Variants in OLFM3 observed in about 807,000 individuals in gnomAD.
OLFM3 encodes olfactomedin 3.
A neutral mutation model predicts 48.6 loss-of-function variants in OLFM3; 20 were observed. The ratio of observed to expected loss-of-function variants is 0.41; its 90% CI spans 0.29 to 0.60. The LOEUF is 0.60. OLFM3 is among the 20% of genes least tolerant of loss of function. The pLI is 0.28. For missense variants in OLFM3, 437 were observed against 544.3 expected, an observed-to-expected ratio of 0.80 and a Z score of 1.96; for synonymous variants, 222 against 198.1, an observed-to-expected ratio of 1.12 and a Z score of -1.01.
intron 1 of OLFM3, among the ~76,000 whole-genome samples, chr1:101,923,285 G>T (rs983289515): frequency 1.3e-5 from 2 of 152,104 alleles, no homozygotes; most frequent in Non-Finnish European, 2.9e-5. Context: ...ATTTGCTCCC[G>T]AATATAATAT....
intron 1 of OLFM3, among the ~76,000 whole-genome samples, chr1:101,886,113 C>T (rs756656264): frequency 2.0e-5 from 3 of 151,976 alleles, no homozygotes; most frequent in Non-Finnish European, 4.4e-5. Flanking sequence ...GGAGTACATA[C>T]AAAAACAAAG....
intron 2 of OLFM3, among the ~76,000 whole-genome samples, 174 bp downstream of exon 2, chr1:101,836,705 G>T (rs539173219): frequency 4.6e-5 from 7 of 151,686 alleles, no homozygotes; most frequent in Non-Finnish European, 8.8e-5. Flanking sequence ...ATAGGACAAA[G>T]ACAATAGCAG....
chr1:101,938,500 C>T (rs557059621), intron 1 of OLFM3, among the ~76,000 whole-genome samples: 1 of 152,264 alleles, frequency 6.6e-6, no homozygotes, highest in Non-Finnish European at 1.5e-5. Context: ...CTACCTTGTG[C>T]CCCGTTATTT....
intron 1 of OLFM3, among the ~76,000 whole-genome samples, chr1:101,897,439 T>A (rs1247901718): frequency 2.6e-5 from 4 of 152,170 alleles, no homozygotes; most frequent in Non-Finnish European, 5.9e-5. Context: ...CAATGCTAAG[T>A]GAACGCTACT....
chr1:101,937,454 CG>C (rs1456814620), intron 1 of OLFM3, among the ~76,000 whole-genome samples: 1 of 152,146 alleles, frequency 6.6e-6, no homozygotes, highest in Admixed American at 6.5e-5. Flanking sequence ...GGGAGGGCCC[CG>C]GTGGGAGGTA....
At chr1:101,821,828 T>C (rs1654620075) in intron 4 of OLFM3, among the ~76,000 whole-genome samples, 1 of 152,140 alleles carries the variant, frequency 6.6e-6, no homozygotes, top group East Asian at 1.9e-4. Context: ...ATACCGATTT[T>C]ATTGCTATTT....
At chr1:101,867,239 T>C (rs1196553756) in intron 1 of OLFM3, among the ~76,000 whole-genome samples, 1 of 152,214 alleles carries the variant, frequency 6.6e-6, no homozygotes. Flanking sequence ...GATTTACTTA[T>C]CAAATCTGGA....
In OLFM3 at chr1:101,829,995, C is replaced by T. The variant is rs193247144; in HGVS notation, c.372+677G>A. 1.8e-4 allele frequency among the ~76,000 whole-genome samples: 27 copies of T among 152,030 alleles called. 1 individual carries two copies. The East Asian group carries it at 3.3e-3, about 19-fold the overall frequency. On this transcript the variant is annotated intron_variant, in intron 3 of 5. Transcript: ENST00000370103. ...GACTACAGGCGCCCACCACCACACCCGGCTAATTTTTTTTTTGTATTTTTA... is the reference window on the plus strand; with the variant it reads ...GACTACAGGCGCCCACCACCACACCTGGCTAATTTTTTTTTTGTATTTTTA...
At chr1:101,902,937 G>C (rs576590865) in intron 1 of OLFM3, among the ~76,000 whole-genome samples, 27 of 152,014 alleles carry the variant, frequency 1.8e-4, no homozygotes, top group Non-Finnish European at 2.9e-4. Flanking sequence ...CACCTTGCTG[G>C]GTGAGTGGAT....
chr1:101,985,467 C>CTT (rs1297678597), intron 1 of OLFM3, among the ~76,000 whole-genome samples: 1 of 152,144 alleles, frequency 6.6e-6, no homozygotes, highest in Non-Finnish European at 1.5e-5. Context: ...TAAAAAGAAA[C>CTT]TTTCTCATAA....
intron 1 of OLFM3, 64 bp downstream of exon 1, chr1:101,996,684 T>C: frequency 2.6e-6 from 4 of 1,539,042 alleles, no homozygotes; most frequent in Non-Finnish European, 2.7e-6. Context: ...TTTATTTGCA[T>C]TTCTGTTAGG....
At chr1:101,924,709 A>G (rs1452764500) in intron 1 of OLFM3, among the ~76,000 whole-genome samples, 1 of 152,164 alleles carries the variant, frequency 6.6e-6, no homozygotes, top group African/African-American at 2.4e-5. Context: ...TTTAATTCCC[A>G]TAATGGTTAA....
At chr1:101,826,794 G>A (rs1654886376) in intron 3 of OLFM3, among the ~76,000 whole-genome samples, 2 of 152,116 alleles carry the variant, frequency 1.3e-5, no homozygotes, top group South Asian at 4.1e-4. Flanking sequence ...ATACACAATT[G>A]TTTCATTAGG....
At chr1:101,984,153 C>T (rs1000941865) in intron 1 of OLFM3, among the ~76,000 whole-genome samples, 1 of 150,098 alleles carries the variant, frequency 6.7e-6, no homozygotes, top group Non-Finnish European at 1.5e-5. Context: ...GGCCCAGAAT[C>T]GTCTGAGCCT....
At chr1:101,883,298 A>G (rs1242390868) in intron 1 of OLFM3, among the ~76,000 whole-genome samples, 3 of 149,756 alleles carry the variant, frequency 2.0e-5, no homozygotes, top group African/African-American at 7.3e-5. Context: ...TATACTATAT[A>G]TAATATATAT....
chr1:101,836,857 A>G (rs1446479942), intron 2 of OLFM3, 22 bp downstream of exon 2: 8 of 1,612,020 alleles, frequency 5.0e-6, no homozygotes, highest in Middle Eastern at 1.6e-4. Context: ...AAAAATATGC[A>G]TAGGGGACAC....
At chr1:101,864,779 C>A (rs1200753682) in intron 1 of OLFM3, among the ~76,000 whole-genome samples, 1 of 152,104 alleles carries the variant, frequency 6.6e-6, no homozygotes, top group South Asian at 2.1e-4. Flanking sequence ...GGCTGTAAAT[C>A]CTTTACCTCA....
chr1:101,995,449 G>A lies in OLFM3; in HGVS notation c.69+1299C>T, dbSNP rs543450479. Among the ~76,000 whole-genome samples, 15 of 152,148 alleles carry A rather than the reference G, an allele frequency of 9.9e-5. No homozygotes were observed. The South Asian group carries it at 3.1e-3, about 32-fold the overall frequency. On this transcript the variant is annotated intron_variant, in intron 1 of 5. Transcript: ENST00000370103. The stretch of plus-strand genomic sequence containing the variant: ...AATATGCCTTTAAGATTATTAAGAT[G>A]ACATTCACACAGAGTGAAGCGTTTA...
chr1:101,978,014 C>T (rs1187262113), intron 1 of OLFM3, among the ~76,000 whole-genome samples: 1 of 152,040 alleles, frequency 6.6e-6, no homozygotes, highest in Non-Finnish European at 1.5e-5. Context: ...ACATTAGTTA[C>T]AAGGTAGAAC....
Sources: allele counts gnomAD v4.1 joint callset (sites outside exome capture counted in the v4.1 genomes callset), GRCh38; gene constraint gnomAD v4.1.1; transcripts MANE v1.5; gene names NCBI Gene and HGNC (gene_info 2026-07-23, HGNC 2026-07-21).